Variants in GAB2 observed in about 807,000 individuals in gnomAD.
GAB2 encodes GRB2-associated-binding protein 2.
In GAB2, 26 loss-of-function variants were observed where a neutral mutation model predicts 65.5. That is an observed-to-expected ratio of 0.40 (90% CI 0.29 to 0.55). GAB2 has a LOEUF of 0.55. GAB2 is among the 20% of genes least tolerant of loss of function. The pLI is 0.53. For synonymous variants in GAB2, 321 were observed against 329.6 expected (o/e 0.97, Z 0.28); for missense variants, 884 against 875.8 (o/e 1.01, Z -0.12).
At chr11:78,402,362 C>T (rs1021382762) in intron 1 of GAB2, among the ~76,000 whole-genome samples, 7 of 152,038 alleles carry the variant, frequency 4.6e-5, no homozygotes, top group Non-Finnish European at 1.0e-4. Context: ...GGGCACTTGG[C>T]ACATACTAAT....
intron 1 of GAB2, among the ~76,000 whole-genome samples, chr11:78,387,118 T>C (rs111997020): frequency 0.028 from 4,194 of 152,300 alleles, 163 homozygotes; most frequent in African/African-American, 0.089. Flanking sequence ...CATAGCTCAC[T>C]GTAGCCTAGA....
chr11:78,390,918 G>A (rs1390825590), intron 1 of GAB2, among the ~76,000 whole-genome samples: 1 of 152,154 alleles, frequency 6.6e-6, no homozygotes, highest in Non-Finnish European at 1.5e-5. Context: ...GATCAATAAC[G>A]CAGATGAAAT....
intron 8 of GAB2, 108 bp from the exon 9 acceptor site, chr11:78,220,552 G>T: frequency 1.1e-6 from 1 of 888,018 alleles, no homozygotes; most frequent in South Asian, 1.8e-5. Flanking sequence ...GCCCTACTCT[G>T]ACACATGCAC....
chr11:78,355,498 A>G (rs768750274), intron 1 of GAB2, among the ~76,000 whole-genome samples: 1 of 152,064 alleles, frequency 6.6e-6, no homozygotes, highest in Non-Finnish European at 1.5e-5. Context: ...CTTTATCAAC[A>G]TCCACAGCAA....
chr11:78,412,732 A>C (rs1857145037), intron 1 of GAB2, among the ~76,000 whole-genome samples: 1 of 152,198 alleles, frequency 6.6e-6, no homozygotes, highest in Admixed American at 6.5e-5. Context: ...GAAATGTTTA[A>C]TTTTTTTAAA....
intron 1 of GAB2, among the ~76,000 whole-genome samples, chr11:78,296,858 A>G (rs1184530553): frequency 6.6e-6 from 1 of 152,224 alleles, no homozygotes; most frequent in Admixed American, 6.5e-5. Flanking sequence ...GGATCAAGGC[A>G]CCAGCAGATT....
At chr11:78,382,525 T>C (rs902843575) in intron 1 of GAB2, among the ~76,000 whole-genome samples, 6 of 152,102 alleles carry the variant, frequency 3.9e-5, no homozygotes, top group Non-Finnish European at 5.9e-5. Context: ...ATGCTTTTTT[T>C]CCTAGTGTAA....
At chr11:78,293,626 T>C (rs955835824) in intron 1 of GAB2, among the ~76,000 whole-genome samples, 1 of 152,162 alleles carries the variant, frequency 6.6e-6, no homozygotes, top group African/African-American at 2.4e-5. Context: ...TTGCACCATT[T>C]CATCCTACAT....
chr11:78,380,127 A>G (rs536136067), intron 1 of GAB2, among the ~76,000 whole-genome samples: 125 of 152,366 alleles, frequency 8.2e-4, no homozygotes, highest in Non-Finnish European at 4.0e-4. Flanking sequence ...CCATGTCCGC[A>G]TAAGTCTACA....
At chr11:78,306,707 CAG>C (rs748886970) in intron 1 of GAB2, among the ~76,000 whole-genome samples, 2 of 152,184 alleles carry the variant, frequency 1.3e-5, no homozygotes, top group South Asian at 2.1e-4. Flanking sequence ...GTCTTGAAGG[CAG>C]AGAGTGAAAG....
Position 78,401,505 on chromosome 11 carries a change from C to CCTGTGTGTGTGT in GAB2, c.75+16140_75+16141insACACACACACAG, listed in dbSNP as rs1555000328. 3.6e-3 allele frequency among the ~76,000 whole-genome samples: 446 copies of CCTGTGTGTGTGT among 125,008 alleles called. 9 individuals carry two copies. Among genetic ancestry groups the CCTGTGTGTGTGT allele is most frequent in the African/African-American group, 0.012 (421 of 33,844 alleles). The allele number at this position is 125,008 out of a possible 152,430, so 82.0% of individuals were successfully genotyped here. On this transcript the variant is annotated intron_variant, in intron 1 of 9. Transcript: ENST00000361507. ...TTCCCTTTTAAGGCTGAACAGTATT[C>CCTGTGTGTGTGT]GTGTGTGTGTGTGTGTGTGTGTGTG...
At chr11:78,385,372 AAG>A (rs1454277038) in intron 1 of GAB2, among the ~76,000 whole-genome samples, 2 of 152,336 alleles carry the variant, frequency 1.3e-5, no homozygotes, top group South Asian at 2.1e-4. Context: ...ATTCACACTG[AAG>A]AGAAACTCTA....
rs1217136680 is a variant in GAB2 at position 78,223,629 on chromosome 11, G to A, written c.1350C>T (p.Asp450=). The change falls in exon 6 of 10, where the codon GAC becomes GAT. Residue 450 remains aspartate, a synonymous_variant. Transcript: ENST00000361507. ...AACCTGGATTCATGGGCACATAGTT[G>A]TCTTCAGAATTGGTGCTGTCCGATC... ...VGRSDSTNSE[D]NYVPMNPGSS... is the part of the protein sequence containing the mutation. 1.9e-6 allele frequency: 3 copies of A among 1,612,756 alleles called. No individual in the cohort carries two copies. The highest frequency in any genetic ancestry group is 2.5e-6 in the Non-Finnish European group (3 of 1,179,360).
At chr11:78,225,654 T>G (rs769664410) in intron 4 of GAB2, among the ~76,000 whole-genome samples, 5 of 152,248 alleles carry the variant, frequency 3.3e-5, no homozygotes, top group Non-Finnish European at 7.3e-5. Context: ...CTGCTCAAAT[T>G]GTCGATGGAT....
At chr11:78,360,160 T>C (rs57204827) in intron 1 of GAB2, among the ~76,000 whole-genome samples, 8,967 of 152,142 alleles carry the variant, frequency 0.059, 785 homozygotes, top group African/African-American at 0.2. Context: ...CCCAGTGCTT[T>C]CAGAAGGAAC....
At chr11:78,227,322 TTGTTCAC>T (rs1321695796) in intron 3 of GAB2, among the ~76,000 whole-genome samples, 1 of 152,202 alleles carries the variant, frequency 6.6e-6, no homozygotes, top group Non-Finnish European at 1.5e-5. Flanking sequence ...GATTGCCTAT[TTGTTCAC>T]TGTTTTAAGT....
intron 4 of GAB2, among the ~76,000 whole-genome samples, chr11:78,225,944 A>C (rs189167811): frequency 3.3e-5 from 5 of 152,350 alleles, no homozygotes. Context: ...GCAGAGTTGG[A>C]ATACTCTCAG....
At chr11:78,354,913 T>G (rs4245459) in intron 1 of GAB2, among the ~76,000 whole-genome samples, 24,629 of 152,162 alleles carry the variant, frequency 0.16, 2,610 homozygotes, top group East Asian at 0.41. Context: ...ATGGAACACA[T>G]GCGGTGCAAG....
In GAB2 at chr11:78,328,956, A is replaced by G. The variant is rs532601375; in HGVS notation, c.76-48055T>C. 7.7e-4 allele frequency among the ~76,000 whole-genome samples: 118 copies of G among 152,288 alleles called. 1 individual carries two copies. The highest frequency in any genetic ancestry group is 2.7e-3 in the African/African-American group (112 of 41,554). ...AAGAAAAATACTCAACAGATGTGGA[A>G]CTCTAGGGAATGATATGCATGCTAA... On this transcript the variant is annotated intron_variant, in intron 1 of 9. Coordinates refer to ENST00000361507, the MANE Select transcript of GAB2 (RefSeq NM_080491.3).
Sources: gnomAD v4.1 joint callset for allele counts (sites outside exome capture counted in the v4.1 genomes callset) on GRCh38, gnomAD v4.1.1 for gene constraint, MANE v1.5 for transcripts, NCBI Gene and HGNC (gene_info 2026-07-23, HGNC 2026-07-21) for gene names.